Variants in TATDN2 observed in about 807,000 individuals in gnomAD.
The protein encoded by TATDN2 is 3'-5' RNA nuclease TATDN2.
In TATDN2, 44 loss-of-function variants were observed where a neutral mutation model predicts 60.3. That is an observed-to-expected ratio of 0.73 (90% CI 0.57 to 0.94). The LOEUF (loss-of-function observed/expected upper bound fraction) is 0.94, where lower values mean the gene tolerates loss of function less well. Ranked by LOEUF, TATDN2 falls within the 40% of genes least tolerant of loss-of-function variation. The pLI is 0.00. For synonymous variants in TATDN2, 399 were observed against 355.8 expected (o/e 1.12, Z -1.37); for missense variants, 997 against 948.0 (o/e 1.05, Z -0.68).
intron 3 of TATDN2, among the ~76,000 whole-genome samples, chr3:10,265,599 G>A (rs1445478667): frequency 6.7e-6 from 1 of 149,164 alleles, no homozygotes; most frequent in Non-Finnish European, 1.5e-5. Flanking sequence ...GGATAATGGC[G>A]TGAACCTGAG....
At chr3:10,257,865 TTTTTTTTTTTTGG>T (rs1698336880) in intron 2 of TATDN2, among the ~76,000 whole-genome samples, 1 of 98,038 alleles carries the variant, frequency 1.0e-5, no homozygotes, top group Non-Finnish European at 1.9e-5. Flanking sequence ...TTTTTTTTTT[TTTTTTTTTTTTGG>T]GAGATGGAGT....
chr3:10,257,310 A>G (rs1401216127), intron 2 of TATDN2, among the ~76,000 whole-genome samples: 3 of 148,312 alleles, frequency 2.0e-5, no homozygotes, highest in African/African-American at 7.4e-5. Context: ...ATATATATAT[A>G]TATGAATTCC....
At chr3:10,257,168 G>C (rs1158337417) in intron 2 of TATDN2, among the ~76,000 whole-genome samples, 1 of 151,480 alleles carries the variant, frequency 6.6e-6, no homozygotes, top group African/African-American at 2.4e-5. Flanking sequence ...TGTAATCCCA[G>C]CTACTTGGGA....
intron 2 of TATDN2, among the ~76,000 whole-genome samples, chr3:10,256,058 C>T (rs1455036519): frequency 6.6e-6 from 1 of 152,206 alleles, no homozygotes; most frequent in Admixed American, 6.5e-5. Flanking sequence ...TGGCAGTTAT[C>T]ACTCTCTAAC....
rs1391056366 is a variant in TATDN2, at chr3:10,270,667, C to T, written c.1485C>T (p.Phe495=). The change falls in exon 4 of 8, where the codon TTC becomes TTT. Residue 495 remains phenylalanine, a synonymous_variant. Coordinates refer to ENST00000448281, the MANE Select transcript of TATDN2 (RefSeq NM_014760.4). The part of the protein sequence containing the change: ...SHLEPSLEEG[F]IDTHCHLDML... ...TGGAGCCAAGCCTAGAGGAGGGCTT[C>T]ATTGACACTCATTGTCACCTGGACA... 6.2e-7 allele frequency: 1 copy of T among 1,614,256 alleles called. No homozygotes were observed. The highest frequency in any genetic ancestry group is 8.5e-7 in the Non-Finnish European group (1 of 1,180,046).
intron 2 of TATDN2, among the ~76,000 whole-genome samples, chr3:10,257,284 CA>C (rs548562822): frequency 1.1e-4 from 14 of 122,166 alleles, no homozygotes; most frequent in East Asian, 3.2e-4. Flanking sequence ...GATTTTGCCT[CA>C]AAAAAAAATT....
At chr3:10,256,628 C>G (rs1698312655) in intron 2 of TATDN2, among the ~76,000 whole-genome samples, 1 of 152,134 alleles carries the variant, frequency 6.6e-6, no homozygotes, top group South Asian at 2.1e-4. Context: ...ATCTCTAACT[C>G]TGATTCTCTA....
In TATDN2 at chr3:10,249,331, C is replaced by A; in HGVS notation, c.131C>A (p.Ser44Ter). 2 of 1,611,858 alleles carry A rather than the reference C, an allele frequency of 1.2e-6. No homozygotes were observed. Among genetic ancestry groups the A allele is most frequent in the Non-Finnish European group, 1.7e-6 (2 of 1,178,568 alleles). Residue 44 changes from serine (S) to a stop codon, truncating the protein, a stop_gained, in exon 2 of 8, where the codon TCG becomes TAG. Transcript: ENST00000448281. LOFTEE classifies it high-confidence loss of function. ...AGCCGGCCAGCTCAGAGGTCTGCGT[C>A]GCGTTCTGGAGGGCCCAGCAGCCCC... ...PSSRPAQRSA[S>*]RSGGPSSPKR...
intron 2 of TATDN2, among the ~76,000 whole-genome samples, chr3:10,254,032 G>A (rs1698267824): frequency 6.6e-6 from 1 of 152,244 alleles, no homozygotes; most frequent in African/African-American, 2.4e-5. Context: ...TGCAGGGTGA[G>A]TTAGCCCAGG....
intron 3 of TATDN2, among the ~76,000 whole-genome samples, chr3:10,268,170 G>T (rs1249294873): frequency 1.3e-5 from 2 of 152,234 alleles, no homozygotes; most frequent in Non-Finnish European, 2.9e-5. Flanking sequence ...TTTTAGAAAA[G>T]ATTCTTGTTT....
At chr3:10,271,664 T>C (rs968409356) in intron 4 of TATDN2, among the ~76,000 whole-genome samples, 1 of 152,082 alleles carries the variant, frequency 6.6e-6, no homozygotes, top group Non-Finnish European at 1.5e-5. Flanking sequence ...AAAAAATGCA[T>C]AATTTCCCAT....
rs1698678284 is a variant in TATDN2, at chr3:10,278,901, G to C, written c.2162G>C (p.Cys721Ser). The C allele has an allele frequency of 1.2e-6, 2 of 1,613,608 alleles. No individual in the cohort carries two copies. The highest frequency in any genetic ancestry group is 8.5e-7 in the Non-Finnish European group (1 of 1,179,888). The change falls in exon 7 of 8, where the codon TGC becomes TCC. Residue 721 changes from cysteine (C) to serine (S), a missense_variant. Transcript: ENST00000448281. This position sits in a 1 kb window ranked among gnomAD's most constrained non-coding sequence, Gnocchi z 4.7. ...GTCTTCCAGGTTCCCAAAAGCCTTT[G>C]CCAGTATGCCCACCCGGGCCTGGCC... Reference protein sequence around the residue: ...FLPRQVPKSLCQYAHPGLALH... With the variant: ...FLPRQVPKSLSQYAHPGLALH...
chr3:10,277,808 CTATA>C (rs1225682484), intron 5 of TATDN2, among the ~76,000 whole-genome samples: 1 of 152,128 alleles, frequency 6.6e-6, no homozygotes, highest in Non-Finnish European at 1.5e-5. Flanking sequence ...AGATTGGTAA[CTATA>C]TATATGGCAC....
chr3:10,270,603 G>A lies in TATDN2; in HGVS notation c.1421G>A (p.Cys474Tyr). 2 of 1,614,250 alleles carry A rather than the reference G, an allele frequency of 1.2e-6. No individual in the cohort carries two copies. The highest frequency in any genetic ancestry group is 1.1e-5 in the South Asian group (1 of 91,088). The change falls in exon 4 of 8, where the codon TGT (cysteine) becomes TAT (tyrosine). Residue 474 changes from cysteine (C) to tyrosine (Y), a missense_variant. Coordinates refer to ENST00000448281, the MANE Select transcript of TATDN2 (RefSeq NM_014760.4). The part of the protein sequence containing the change: ...TFQEEMPPRP[C>Y]GGHASSSLPK... The stretch of plus-strand genomic sequence containing the variant: ...CAAGAGGAGATGCCTCCGCGTCCTT[G>A]TGGAGGACACGCATCCAGCTCCCTG...
intron 2 of TATDN2, among the ~76,000 whole-genome samples, chr3:10,256,066 A>G (rs982067167): frequency 5.3e-5 from 8 of 152,190 alleles, no homozygotes; most frequent in African/African-American, 1.4e-4. Context: ...ATCACTCTCT[A>G]ACATACATAT....
At chr3:10,265,095 G>A (rs1433422590) in intron 3 of TATDN2, among the ~76,000 whole-genome samples, 1 of 25,512 alleles carries the variant, frequency 3.9e-5, no homozygotes, top group Non-Finnish European at 7.0e-5. Context: ...TTGTCTTTTT[G>A]AGACAGAGTC....
At chr3:10,249,166 T>G in intron 1 of TATDN2, 29 bp from the exon 2 acceptor site, 1 of 1,485,296 alleles carries the variant, frequency 6.7e-7, no homozygotes, top group Non-Finnish European at 8.9e-7. Flanking sequence ...AAGGGTGGTG[T>G]TGGAATCCAG....
chr3:10,278,732 C>T lies in TATDN2; in HGVS notation c.2146-153C>T, dbSNP rs745442231. ...TGGGACCCTGCTCACCCAGAGCCCC[C>T]ATGACTAGGACTCTCCCTGCACCTG... is the stretch of plus-strand genomic sequence containing the variant. On this transcript the variant is annotated intron_variant, in intron 6 of 7. Coordinates refer to ENST00000448281, the MANE Select transcript of TATDN2 (RefSeq NM_014760.4). This position sits in a 1 kb window ranked among gnomAD's most constrained non-coding sequence, Gnocchi z 4.7. 134 of 1,232,238 alleles carry T rather than the reference C, an allele frequency of 1.1e-4. No homozygotes were observed. The highest frequency in any genetic ancestry group is 1.4e-4 in the Non-Finnish European group (125 of 865,620). 76.3% of individuals were successfully genotyped at this position (1,232,238 alleles called of 1,614,324 possible).
At chr3:10,256,595 T>C (rs1698312189) in intron 2 of TATDN2, among the ~76,000 whole-genome samples, 1 of 152,194 alleles carries the variant, frequency 6.6e-6, no homozygotes, top group African/African-American at 2.4e-5. Flanking sequence ...TCAATATTTC[T>C]GGTTTTACTT....
Sources: allele counts gnomAD v4.1 joint callset (sites outside exome capture counted in the v4.1 genomes callset), GRCh38; gene constraint gnomAD v4.1.1; non-coding constraint Gnocchi (gnomAD v3.1); transcripts MANE v1.5; gene names NCBI Gene and HGNC (gene_info 2026-07-23, HGNC 2026-07-21).